The following TMEM131L variants were observed in gnomAD, a reference collection of about 807,000 sequenced individuals.
The protein encoded by TMEM131L is transmembrane protein 131-like.
Under a neutral mutation model 192.2 loss-of-function variants are expected in TMEM131L, and 54 were observed. The ratio of observed to expected loss-of-function variants is 0.28; its 90% CI spans 0.23 to 0.35. The LOEUF (loss-of-function observed/expected upper bound fraction) is 0.35, where lower values mean the gene tolerates loss of function less well. Among genes scored for constraint, TMEM131L ranks in the 10% least tolerant of loss-of-function variants. The pLI is 1.00. For synonymous variants in TMEM131L, 701 were observed against 704.9 expected (o/e 0.99, Z 0.09); for missense variants, 1,888 against 1,972.9 (o/e 0.96, Z 0.82).
At chr4:153,558,468 T>C (rs1287523655) in intron 7 of TMEM131L, 100 bp downstream of exon 7, 1 of 595,750 alleles carries the variant, frequency 1.7e-6, no homozygotes, top group Non-Finnish European at 3.0e-6. Flanking sequence ...GAAAAAATTA[T>C]ATAGAAGTAA....
chr4:153,551,120 A>G (rs754825864), intron 4 of TMEM131L, among the ~76,000 whole-genome samples: 21 of 152,236 alleles, frequency 1.4e-4, no homozygotes, highest in Non-Finnish European at 2.2e-4. Context: ...AGTAGTTTCA[A>G]GAGCGAGAGG....
At position 153,581,462 on chromosome 4, in the gene TMEM131L, C is replaced by A; in HGVS notation, c.794C>A (p.Thr265Lys). 1.3e-6 allele frequency: 2 copies of A among 1,594,226 alleles called. No individual in the cohort carries two copies. The highest frequency in any genetic ancestry group is 1.1e-5 in the South Asian group (1 of 88,446). ...VLRLQMSIMV[T>K]MENFSKEFEE... ...CGTCTACAAATGAGCATAATGGTAA[C>A]AATGGAAAACTTTTCAAAAGAATTT... is the stretch of plus-strand genomic sequence containing the variant. The change falls in exon 9 of 35, where the codon ACA (threonine) becomes AAA (lysine). Residue 265 changes from threonine to lysine, a missense_variant. Thr to Lys is a moderately conservative substitution (Grantham distance 78). Transcript: ENST00000409959.
At chr4:153,539,513 T>G (rs1736605011) in intron 3 of TMEM131L, among the ~76,000 whole-genome samples, 1 of 149,922 alleles carries the variant, frequency 6.7e-6, no homozygotes, top group Non-Finnish European at 1.5e-5. Context: ...TTTTTTTTTT[T>G]TTTTTGAGGA....
At chr4:153,592,963 G>A (rs1440059323) in intron 18 of TMEM131L, among the ~76,000 whole-genome samples, 2 of 152,096 alleles carry the variant, frequency 1.3e-5, no homozygotes, top group African/African-American at 4.8e-5. Flanking sequence ...ATCTGCAGGG[G>A]AATTGGTCGC....
At chr4:153,558,204 C>T in intron 6 of TMEM131L, 54 bp from the exon 7 acceptor site, 1 of 951,130 alleles carries the variant, frequency 1.1e-6, no homozygotes, top group Non-Finnish European at 1.7e-6. Flanking sequence ...AGCATTATGG[C>T]AAATGTGTTT....
At chr4:153,489,364 C>T (rs1732601959) in intron 3 of TMEM131L, among the ~76,000 whole-genome samples, 1 of 152,222 alleles carries the variant, frequency 6.6e-6, no homozygotes, top group Non-Finnish European at 1.5e-5. Context: ...CTTCCCAGCT[C>T]ATTGAACCTG....
intron 31 of TMEM131L, among the ~76,000 whole-genome samples, chr4:153,631,292 T>TG (rs1461503950): frequency 6.6e-6 from 1 of 152,070 alleles, no homozygotes; most frequent in Non-Finnish European, 1.5e-5. Flanking sequence ...AGGTGCAGAG[T>TG]GGGGGATAAA....
chr4:153,593,430 T>C (rs1731209049), intron 18 of TMEM131L, among the ~76,000 whole-genome samples: 1 of 152,190 alleles, frequency 6.6e-6, no homozygotes, highest in South Asian at 2.1e-4. Context: ...TCTCCAGACG[T>C]AGCCCAGTGT....
chr4:153,480,199 C>T (rs572224033), intron 3 of TMEM131L, among the ~76,000 whole-genome samples: 5 of 152,228 alleles, frequency 3.3e-5, no homozygotes, highest in Admixed American at 6.5e-5. Context: ...ATTAGCTGGG[C>T]GTGGTGGCGG....
At chr4:153,517,616 G>A (rs1476418878) in intron 3 of TMEM131L, among the ~76,000 whole-genome samples, 2 of 152,142 alleles carry the variant, frequency 1.3e-5, no homozygotes, top group Non-Finnish European at 2.9e-5. Flanking sequence ...GCTCCTTAGC[G>A]CTCTTAATGT....
chr4:153,520,691 G>T (rs574213633), intron 3 of TMEM131L, among the ~76,000 whole-genome samples: 124 of 152,196 alleles, frequency 8.1e-4, no homozygotes, highest in Non-Finnish European at 1.3e-3. Flanking sequence ...TCTGTGCCCT[G>T]TCTCTTCTTC....
At chr4:153,487,601 CAGT>C (rs1732430579) in intron 3 of TMEM131L, among the ~76,000 whole-genome samples, 1 of 152,026 alleles carries the variant, frequency 6.6e-6, no homozygotes, top group East Asian at 1.9e-4. Flanking sequence ...CAGAAAGTCT[CAGT>C]TGTTGGATGG....
chr4:153,589,353 A>G (rs1730915475), intron 16 of TMEM131L, among the ~76,000 whole-genome samples: 1 of 152,140 alleles, frequency 6.6e-6, no homozygotes, highest in South Asian at 2.1e-4. Flanking sequence ...GCCATTATTA[A>G]GTCAAATAAG....
intron 19 of TMEM131L, among the ~76,000 whole-genome samples, chr4:153,594,451 C>T (rs1245722839): frequency 6.6e-6 from 1 of 152,156 alleles, no homozygotes; most frequent in Non-Finnish European, 1.5e-5. Context: ...TTCTCAGTTT[C>T]CACTCAGTCA....
intron 3 of TMEM131L, among the ~76,000 whole-genome samples, chr4:153,510,189 T>C (rs926635589): frequency 6.6e-6 from 1 of 152,124 alleles, no homozygotes; most frequent in African/African-American, 2.4e-5. Context: ...ATCATCTCCA[T>C]CTGCCCCAGA....
chr4:153,626,949 A>C (rs1205487993), intron 30 of TMEM131L, among the ~76,000 whole-genome samples: 11 of 152,236 alleles, frequency 7.2e-5, no homozygotes, highest in Non-Finnish European at 1.5e-5. Flanking sequence ...AGCACTGGAC[A>C]AAATAAACAA....
At chr4:153,497,696 A>G (rs1733273629) in intron 3 of TMEM131L, among the ~76,000 whole-genome samples, 1 of 152,184 alleles carries the variant, frequency 6.6e-6, no homozygotes, top group Admixed American at 6.5e-5. Context: ...CTGTTCTGGA[A>G]AAGAAAGTTA....
chr4:153,623,149 T>C lies in TMEM131L; in HGVS notation c.4045+66T>C. ...TCCCTCTGCCCTCCCACGTACCCAG[T>C]CCACACAGTCTCGATCTGCCTTCAG... On this transcript the variant is annotated intron_variant, in intron 29 of 34. Coordinates refer to ENST00000409959, the MANE Select transcript of TMEM131L (RefSeq NM_001131007.2). 2.9e-6 allele frequency: 4 copies of C among 1,400,968 alleles called. No individual in the cohort carries two copies. In the South Asian group the frequency reaches 5.7e-5, roughly 20 times the overall value. 86.8% of individuals were successfully genotyped at this position (1,400,968 alleles called of 1,614,324 possible). A position where few individuals can be genotyped will look rare whatever the true frequency, so the allele number is the denominator to read the frequency against.
At chr4:153,592,068 T>C (rs572591873) in intron 17 of TMEM131L, among the ~76,000 whole-genome samples, 26 of 152,256 alleles carry the variant, frequency 1.7e-4, no homozygotes, top group African/African-American at 6.3e-4. Flanking sequence ...AGTATAATGA[T>C]CAAAATCAGA....
Sources: allele counts gnomAD v4.1 joint callset (sites outside exome capture counted in the v4.1 genomes callset), GRCh38; gene constraint gnomAD v4.1.1; transcripts MANE v1.5; gene names NCBI Gene and HGNC (gene_info 2026-07-23, HGNC 2026-07-21).